CYRIA: variants seen among roughly 807,000 people sequenced by gnomAD.
CYRIA encodes the protein CYFIP related Rac1 interactor A.
CYRIA carries 15 observed loss-of-function variants against 43.9 expected under a neutral mutation model. The observed-to-expected ratio is 0.34, with a 90% CI of 0.23 to 0.53. CYRIA has a LOEUF of 0.53. Ranked by LOEUF, CYRIA falls within the 20% of genes least tolerant of loss-of-function variation. The probability of loss-of-function intolerance (pLI) is 0.94; values close to 1 mark genes in which losing one functional copy is unlikely to be tolerated. For missense variants in CYRIA, 236 were observed against 394.2 expected, an observed-to-expected ratio of 0.60 and a Z score of 3.40; for synonymous variants, 117 against 136.0, an observed-to-expected ratio of 0.86 and a Z score of 0.97.
At chr2:16,603,005 T>C (rs1218696574) in intron 2 of CYRIA, among the ~76,000 whole-genome samples, 1 of 152,164 alleles carries the variant, frequency 6.6e-6, no homozygotes, top group African/African-American at 2.4e-5. Flanking sequence ...CTGACACCAG[T>C]CTTGTCTCCC....
chr2:16,611,402 A>G (rs1198219213), intron 2 of CYRIA, among the ~76,000 whole-genome samples: 1 of 152,178 alleles, frequency 6.6e-6, no homozygotes, highest in South Asian at 2.1e-4. Flanking sequence ...AGTCAAAGAA[A>G]TAAATACATG....
At chr2:16,644,689 ACTTCC>A (rs1669770196) in intron 1 of CYRIA, among the ~76,000 whole-genome samples, 1 of 152,190 alleles carries the variant, frequency 6.6e-6, no homozygotes, top group South Asian at 2.1e-4. Context: ...TCTAGAAGTA[ACTTCC>A]TTGGAGGCCA....
intron 10 of CYRIA, among the ~76,000 whole-genome samples, chr2:16,555,889 C>T (rs1415570464): frequency 1.3e-5 from 2 of 152,114 alleles, no homozygotes; most frequent in Non-Finnish European, 2.9e-5. Context: ...ATGCTAAATG[C>T]CTGAGTTTCC....
chr2:16,575,855 C>CA (rs1279193778), intron 3 of CYRIA, among the ~76,000 whole-genome samples: 1 of 146,860 alleles, frequency 6.8e-6, no homozygotes, highest in Non-Finnish European at 1.5e-5. Flanking sequence ...GACTCCATCT[C>CA]AAAAAAATAA....
At chr2:16,604,239 G>C (rs932331693) in intron 2 of CYRIA, among the ~76,000 whole-genome samples, 4 of 152,230 alleles carry the variant, frequency 2.6e-5, no homozygotes, top group African/African-American at 9.6e-5. Context: ...GACTGGATGT[G>C]ATTTTAGGAG....
At chr2:16,593,439 T>G (rs12996179) in intron 2 of CYRIA, among the ~76,000 whole-genome samples, 3,908 of 152,204 alleles carry the variant, frequency 0.026, 187 homozygotes, top group African/African-American at 0.089. Context: ...ATTGGAAAAC[T>G]AAGAATTATT....
intron 3 of CYRIA, among the ~76,000 whole-genome samples, chr2:16,578,997 A>C (rs1667452498): frequency 6.6e-6 from 1 of 152,202 alleles, no homozygotes; most frequent in East Asian, 1.9e-4. Context: ...ACAAAAATAA[A>C]GATAAATTAT....
At chr2:16,570,114 C>T (rs1404964266) in intron 3 of CYRIA, among the ~76,000 whole-genome samples, 1 of 152,010 alleles carries the variant, frequency 6.6e-6, no homozygotes, top group Non-Finnish European at 1.5e-5. Context: ...AGTAAAGGTC[C>T]TATTACGTTT....
intron 1 of CYRIA, among the ~76,000 whole-genome samples, chr2:16,651,700 C>T (rs1669980131): frequency 6.6e-6 from 1 of 152,194 alleles, no homozygotes; most frequent in Non-Finnish European, 1.5e-5. Flanking sequence ...GATGAAGACC[C>T]AGGGAGGCTG....
intron 2 of CYRIA, among the ~76,000 whole-genome samples, chr2:16,613,481 G>A (rs1348664364): frequency 2.7e-5 from 4 of 150,474 alleles, no homozygotes; most frequent in Admixed American, 1.3e-4. Context: ...CCCTGCACTC[G>A]ATGCTATGCT....
chr2:16,585,907 G>C (rs1456572372), intron 3 of CYRIA, among the ~76,000 whole-genome samples: 2 of 152,134 alleles, frequency 1.3e-5, no homozygotes, highest in Non-Finnish European at 2.9e-5. Context: ...TTAAATCCCT[G>C]CAAATTCTAC....
chr2:16,582,568 G>A (rs765579996), intron 3 of CYRIA, among the ~76,000 whole-genome samples: 8 of 152,056 alleles, frequency 5.3e-5, no homozygotes, highest in African/African-American at 9.7e-5. Flanking sequence ...TTTCTGTCTC[G>A]ACAAATTTGC....
At chr2:16,557,484 G>T (rs994219100) in intron 10 of CYRIA, among the ~76,000 whole-genome samples, 2 of 152,052 alleles carry the variant, frequency 1.3e-5, no homozygotes, top group African/African-American at 4.8e-5. Context: ...TACGAGCCCA[G>T]TGACTATAAC....
At chr2:16,658,101 A>G (rs1259604031) in intron 1 of CYRIA, among the ~76,000 whole-genome samples, 3 of 152,252 alleles carry the variant, frequency 2.0e-5, no homozygotes, top group African/African-American at 7.2e-5. Flanking sequence ...GAGATTGATC[A>G]TATAGTGCAT....
intron 1 of CYRIA, among the ~76,000 whole-genome samples, chr2:16,649,522 G>C (rs1669911303): frequency 6.6e-6 from 1 of 150,934 alleles, no homozygotes. Flanking sequence ...AGTACACAGG[G>C]CATGGCTGTA....
chr2:16,612,536 T>A (rs760907893), intron 2 of CYRIA, among the ~76,000 whole-genome samples: 1 of 152,156 alleles, frequency 6.6e-6, no homozygotes, highest in Non-Finnish European at 1.5e-5. Context: ...ATGTCCTCAA[T>A]GATGCACAAA....
At chr2:16,606,591 C>T (rs970897506) in intron 2 of CYRIA, among the ~76,000 whole-genome samples, 1 of 151,824 alleles carries the variant, frequency 6.6e-6, no homozygotes, top group African/African-American at 2.4e-5. Flanking sequence ...TCTCCTTTTC[C>T]CTGCCCAGCT....
chr2:16,645,110 G>A (rs1226904171), intron 1 of CYRIA, among the ~76,000 whole-genome samples: 1 of 152,204 alleles, frequency 6.6e-6, no homozygotes, highest in Non-Finnish European at 1.5e-5. Flanking sequence ...GCGAGCAGAA[G>A]TGATCCATGA....
At chr2:16,644,559 T>A (rs1011348805) in intron 1 of CYRIA, among the ~76,000 whole-genome samples, 1 of 152,348 alleles carries the variant, frequency 6.6e-6, no homozygotes, top group Middle Eastern at 3.4e-3. Context: ...TACTGTTGTC[T>A]GTCAAAGCTT....
Sources: allele counts gnomAD v4.1 joint callset (sites outside exome capture counted in the v4.1 genomes callset), GRCh38; gene constraint gnomAD v4.1.1; transcripts MANE v1.5; gene names NCBI Gene and HGNC (gene_info 2026-07-23, HGNC 2026-07-21).